STAB2: variants seen among roughly 807,000 people sequenced by gnomAD.
STAB2 encodes stabilin 2.
In STAB2, 288 loss-of-function variants were observed where a neutral mutation model predicts 338.1. The observed-to-expected ratio is 0.85, with a 90% CI of 0.77 to 0.94. The LOEUF (loss-of-function observed/expected upper bound fraction) is 0.94. STAB2 is among the 40% of genes least tolerant of loss of function. STAB2 has a pLI of 0.00. For synonymous variants in STAB2, 1,202 were observed against 1,193.3 expected (o/e 1.01, Z -0.15); for missense variants, 3,141 against 3,210.1 (o/e 0.98, Z 0.52).
chr12:103,651,383 G>A (rs768222239), intron 11 of STAB2, among the ~76,000 whole-genome samples: 5 of 144,972 alleles, frequency 3.4e-5, no homozygotes, highest in African/African-American at 5.2e-5. Context: ...GCGCAATCTC[G>A]GCTCACTGCA....
intron 28 of STAB2, among the ~76,000 whole-genome samples, chr12:103,688,691 C>A (rs1408960913): frequency 2.6e-5 from 4 of 152,206 alleles, no homozygotes; most frequent in Non-Finnish European, 4.4e-5. Flanking sequence ...CTGGTCAGCA[C>A]CCACCCCAGG....
At chr12:103,755,827 T>A in intron 63 of STAB2, 109 bp downstream of exon 63, 1 of 1,034,286 alleles carries the variant, frequency 9.7e-7, no homozygotes, top group Non-Finnish European at 1.5e-6. Flanking sequence ...GTTAAGAGCA[T>A]GGGTGCTGGA....
At chr12:103,611,473 G>T (rs11111677) in intron 3 of STAB2, among the ~76,000 whole-genome samples, 10,513 of 152,050 alleles carry the variant, frequency 0.069, 387 homozygotes, top group Non-Finnish European at 0.081. Flanking sequence ...GATCTTTGTT[G>T]GTTTAAAGTC....
In STAB2 at chr12:103,630,167, A is replaced by G. The variant is rs185325623; in HGVS notation, c.488-1431A>G. Among the ~76,000 whole-genome samples, 18 of 152,358 alleles carry G rather than the reference A, an allele frequency of 1.2e-4. No individual in the cohort carries two copies. In the East Asian group the frequency reaches 3.5e-3, roughly 29 times the overall value. On this transcript the variant is annotated intron_variant, in intron 5 of 68. Coordinates refer to ENST00000388887, the MANE Select transcript of STAB2 (RefSeq NM_017564.10). ...GGAGAGGCAAGAAACTGGAAATAGC[A>G]AGACGAGGTATCATGCTACTGCAAT...
At chr12:103,637,910 A>G in intron 7 of STAB2, 106 bp from the exon 8 acceptor site, 1 of 1,163,700 alleles carries the variant, frequency 8.6e-7, no homozygotes, top group Non-Finnish European at 1.2e-6. Context: ...TGTCTTTGAA[A>G]ACTGTGAGTT....
At chr12:103,700,072 G>C (rs962916660) in intron 34 of STAB2, among the ~76,000 whole-genome samples, 1 of 152,128 alleles carries the variant, frequency 6.6e-6, no homozygotes, top group Non-Finnish European at 1.5e-5. Flanking sequence ...AGGACTAACC[G>C]ACCACCACAC....
intron 3 of STAB2, among the ~76,000 whole-genome samples, chr12:103,619,426 A>G (rs1027875405): frequency 2.0e-5 from 3 of 152,146 alleles, no homozygotes; most frequent in African/African-American, 4.8e-5. Flanking sequence ...TCACAATAGT[A>G]CCTTAAACTT....
chr12:103,742,371 G>T, intron 55 of STAB2, 34 bp from the exon 56 acceptor site: 2 of 1,609,758 alleles, frequency 1.2e-6, no homozygotes, highest in East Asian at 2.2e-5. Flanking sequence ...GGCTTTGGGA[G>T]ACTGTTGAGT....
chr12:103,690,294 C>A, intron 29 of STAB2, 130 bp from the exon 30 acceptor site: 1 of 825,668 alleles, frequency 1.2e-6, no homozygotes, highest in South Asian at 1.8e-5. Flanking sequence ...CTAGCCAAGG[C>A]TGGTAACTGC....
chr12:103,753,079 C>A, intron 60 of STAB2, 141 bp from the exon 61 acceptor site: 1 of 922,012 alleles, frequency 1.1e-6, no homozygotes, highest in Non-Finnish European at 1.6e-6. Flanking sequence ...TGTACTTCAA[C>A]ATAACTTGAA....
intron 44 of STAB2, among the ~76,000 whole-genome samples, chr12:103,719,364 C>T (rs1270030043): frequency 6.6e-6 from 1 of 152,234 alleles, no homozygotes; most frequent in East Asian, 1.9e-4. Context: ...CAAAGAGACT[C>T]TAGCTGTGCC....
chr12:103,673,451 A>T (rs1216879494), intron 22 of STAB2, among the ~76,000 whole-genome samples: 2 of 151,900 alleles, frequency 1.3e-5, no homozygotes, highest in Non-Finnish European at 2.9e-5. Flanking sequence ...GGCTCAAGTG[A>T]TCCTCCCACC....
At chr12:103,714,282 T>C (rs997547341) in intron 42 of STAB2, among the ~76,000 whole-genome samples, 1 of 152,234 alleles carries the variant, frequency 6.6e-6, no homozygotes, top group Non-Finnish European at 1.5e-5. Context: ...ACTGTTCTAC[T>C]ATAAAGGTAT....
chr12:103,730,323 T>C, intron 49 of STAB2, 67 bp downstream of exon 49: 1 of 1,524,628 alleles, frequency 6.6e-7, no homozygotes, highest in Admixed American at 2.0e-5. Flanking sequence ...CTATTCTGAT[T>C]CGAAGTCATC....
At chr12:103,625,365 AT>A (rs546106989) in intron 5 of STAB2, among the ~76,000 whole-genome samples, 4,447 of 152,024 alleles carry the variant, frequency 0.029, 97 homozygotes, top group African/African-American at 0.062. Context: ...CAACACCTAA[AT>A]TTTTTTTTTA....
chr12:103,670,276 T>C (rs1443069209), intron 21 of STAB2, among the ~76,000 whole-genome samples: 1 of 152,090 alleles, frequency 6.6e-6, no homozygotes, highest in Non-Finnish European at 1.5e-5. Flanking sequence ...TCAGCACACA[T>C]ATGACCTTGC....
chr12:103,590,718 T>C (rs1956782891), intron 1 of STAB2, among the ~76,000 whole-genome samples, 179 bp from the exon 2 acceptor site: 1 of 152,188 alleles, frequency 6.6e-6, no homozygotes, highest in South Asian at 2.1e-4. Context: ...TTAATCTCAA[T>C]ACTCTTTCCA....
intron 3 of STAB2, among the ~76,000 whole-genome samples, chr12:103,619,174 C>T (rs950159272): frequency 6.6e-6 from 1 of 152,174 alleles, no homozygotes; most frequent in Non-Finnish European, 1.5e-5. Context: ...TTATCTAGAA[C>T]TTCCCGTCTT....
Position 103,731,650 on chromosome 12 carries a change from G to T in STAB2, c.5283+15G>T. On this transcript the variant is annotated intron_variant, in intron 50 of 68. Coordinates refer to ENST00000388887, the MANE Select transcript of STAB2 (RefSeq NM_017564.10). ...ACTTAATACAGGTAAAAATTTAGGG[G>T]AAGTTGACTCAGAGGATAACCTGCC... 2 of 1,609,600 alleles carry T rather than the reference G, an allele frequency of 1.2e-6. No individual in the cohort carries two copies. The highest frequency in any genetic ancestry group is 8.5e-7 in the Non-Finnish European group (1 of 1,178,300).
Sources: allele counts gnomAD v4.1 joint callset (sites outside exome capture counted in the v4.1 genomes callset), GRCh38; gene constraint gnomAD v4.1.1; transcripts MANE v1.5; gene names NCBI Gene and HGNC (gene_info 2026-07-23, HGNC 2026-07-21).